SRGAP3: variants seen among roughly 807,000 people sequenced by gnomAD.
SRGAP3 encodes SLIT-ROBO Rho GTPase activating protein 3.
Under a neutral mutation model 121.1 loss-of-function variants are expected in SRGAP3, and 39 were observed. The ratio of observed to expected loss-of-function variants is 0.32; its 90% confidence interval spans 0.25 to 0.42. SRGAP3 has a LOEUF of 0.42. Among genes scored for constraint, SRGAP3 ranks in the 10% least tolerant of loss-of-function variants. The pLI, the probability that SRGAP3 is intolerant of heterozygous loss-of-function variation, is 1.00. For synonymous variants in SRGAP3, 601 were observed against 570.0 expected (o/e 1.05, Z -0.77); for missense variants, 1,213 against 1,470.6 (o/e 0.82, Z 2.86).
intron 1 of SRGAP3, among the ~76,000 whole-genome samples, chr3:9,160,729 T>C (rs568587039): frequency 3.7e-4 from 56 of 152,348 alleles, no homozygotes; most frequent in South Asian, 1.0e-3. Flanking sequence ...ATGTGAAGAA[T>C]TGATATACGT....
Position 8,985,791 on chromosome 3 carries a change from C to A in SRGAP3, c.3028G>T (p.Ala1010Ser). ...NPPGPVSSEP[A>S]SPLHTIVIRD... ...ATGACGATGGTGTGAAGGGGACTGG[C>A]GGGCTCCGAGCTGACGGGGCCTGGC... Residue 1010 changes from alanine to serine, a missense_variant, in exon 22 of 22, where the codon GCC becomes TCC. Coordinates refer to ENST00000383836, the MANE Select transcript of SRGAP3 (RefSeq NM_014850.4). This position sits in a 1 kb window ranked among gnomAD's most constrained non-coding sequence, Gnocchi z 5.1. 6.2e-7 allele frequency: 1 copy of A among 1,600,234 alleles called. No individual in the cohort carries two copies. Among genetic ancestry groups the A allele is most frequent in the Non-Finnish European group, 8.5e-7 (1 of 1,179,806 alleles).
intron 3 of SRGAP3, among the ~76,000 whole-genome samples, chr3:9,300,180 C>T (rs1384153106): frequency 7.7e-6 from 1 of 129,054 alleles, no homozygotes; most frequent in African/African-American, 3.0e-5. Context: ...TTCATCATCA[C>T]CACCATCATC....
At chr3:9,124,638 G>A in intron 2 of SRGAP3, 87 bp downstream of exon 2, 1 of 1,560,270 alleles carries the variant, frequency 6.4e-7, no homozygotes, top group Non-Finnish European at 8.8e-7. Flanking sequence ...CAATGAAGCT[G>A]GCTGGCCTCC....
intron 21 of SRGAP3, among the ~76,000 whole-genome samples, chr3:8,987,009 GC>G (rs1203254523): frequency 1.3e-5 from 2 of 152,232 alleles, no homozygotes; most frequent in Non-Finnish European, 2.9e-5. Flanking sequence ...AGGCCACAGG[GC>G]CCCGGACTTT....
chr3:9,082,740 T>C (rs2669985), intron 3 of SRGAP3, among the ~76,000 whole-genome samples: 146,999 of 152,304 alleles, frequency 0.97, 70,970 homozygotes, highest in East Asian at 1. Flanking sequence ...AGCCTTCCTC[T>C]CACCCTTGCA....
chr3:9,064,004 C>T lies in SRGAP3; in HGVS notation c.672+392G>A, dbSNP rs535655504. ...AGCAATCAGTTCCCACCTCACCCCC[C>T]GCCCCTACCCTTGGCCATCAAATTG... On this transcript the variant is annotated intron_variant, in intron 5 of 21. Transcript: ENST00000383836. Among the ~76,000 whole-genome samples, 6 of 152,314 alleles carry T rather than the reference C, an allele frequency of 3.9e-5. 1 individual carries two copies. Among genetic ancestry groups the T allele is most frequent in the African/African-American group, 1.2e-4 (5 of 41,572 alleles).
At chr3:9,310,911 T>C (rs1019682001) in intron 3 of SRGAP3, among the ~76,000 whole-genome samples, 2 of 152,168 alleles carry the variant, frequency 1.3e-5, no homozygotes, top group South Asian at 2.1e-4. Flanking sequence ...GGCTCACACC[T>C]GTAATCCCAG....
At chr3:9,313,169 A>G (rs183778310) in intron 3 of SRGAP3, among the ~76,000 whole-genome samples, 1 of 152,114 alleles carries the variant, frequency 6.6e-6, no homozygotes, top group East Asian at 1.9e-4. Flanking sequence ...CTCAAACACT[A>G]AGCCCCCGCC....
chr3:9,133,045 AT>A (rs1170624497), intron 1 of SRGAP3, among the ~76,000 whole-genome samples: 9 of 148,736 alleles, frequency 6.1e-5, no homozygotes, highest in South Asian at 4.2e-4. Flanking sequence ...TATATGATAT[AT>A]TATATAGATC....
intron 1 of SRGAP3, among the ~76,000 whole-genome samples, chr3:9,161,534 C>G (rs1485969087): frequency 6.6e-6 from 1 of 152,224 alleles, no homozygotes; most frequent in Non-Finnish European, 1.5e-5. Flanking sequence ...GGATATAAAC[C>G]CTGCTCTATC....
chr3:9,059,706 T>A, intron 6 of SRGAP3: 1 of 209,348 alleles, frequency 4.8e-6, no homozygotes, highest in Non-Finnish European at 9.8e-6. Flanking sequence ...TGTTCCGTTC[T>A]CCATTTGCTT....
chr3:9,153,296 C>T (rs1425065592), intron 1 of SRGAP3, among the ~76,000 whole-genome samples: 1 of 152,178 alleles, frequency 6.6e-6, no homozygotes, highest in Non-Finnish European at 1.5e-5. Flanking sequence ...TGAGCAAATA[C>T]TATGTGCTAG....
rs1943603014 is a variant in SRGAP3, at chr3:9,015,701, T to C, written c.1709A>G (p.Glu570Gly). 1 of 1,614,218 alleles carries C rather than the reference T, an allele frequency of 6.2e-7. No individual in the cohort carries two copies. Among genetic ancestry groups the C allele is most frequent in the Non-Finnish European group, 8.5e-7 (1 of 1,180,030 alleles). The change falls in exon 15 of 22, where the codon GAA becomes GGA. Residue 570 changes from glutamate to glycine, a missense_variant. Physicochemically the swap from Glu to Gly is moderately conservative, Grantham distance 98. Around this residue, in one of 2 missense-constraint regions of SRGAP3, gnomAD observed 793 missense variants for 1,032.9 expected, o/e 0.77. Transcript: ENST00000383836. ...GEDPLVDDQN[E>G]RDINSVAGVL... ...ACCAGCGACTGAATTGATATCTCGT[T>C]CATTTTGATCGTCCACAAGGGGGTC...
chr3:9,087,335 C>T (rs950001256), intron 3 of SRGAP3, among the ~76,000 whole-genome samples: 9 of 151,630 alleles, frequency 5.9e-5, no homozygotes, highest in Admixed American at 1.3e-4. Context: ...TGAATCAACA[C>T]CCACGAGATG....
At chr3:9,260,570 T>A (rs2648511) in intron 3 of SRGAP3, among the ~76,000 whole-genome samples, 96,610 of 152,126 alleles carry the variant, frequency 0.64, 31,647 homozygotes, top group Non-Finnish European at 0.71. Flanking sequence ...CGGCGTGGCA[T>A]CGCCACTGTA....
At chr3:9,349,055 G>T (rs1049058242) in intron 1 of SRGAP3, 1 of 977,226 alleles carries the variant, frequency 1.0e-6, no homozygotes, top group Admixed American at 1.7e-5. Context: ...GGCTATCATG[G>T]AGCTGAACCT....
At chr3:9,002,491 C>T (rs1160774054) in intron 18 of SRGAP3, among the ~76,000 whole-genome samples, 1 of 151,994 alleles carries the variant, frequency 6.6e-6, no homozygotes, top group Non-Finnish European at 1.5e-5. Context: ...GAAAAAAACC[C>T]AAACCTCAAA....
chr3:9,255,126 T>C lies in SRGAP3; in HGVS notation n.442+70884A>G, dbSNP rs561784012. The stretch of plus-strand genomic sequence containing the variant: ...TGCCACTGAATTGTACACTTTAAAA[T>C]GGTAAATTTTATGTTATGTGAATTT... On this transcript the variant is annotated intron_variant and non_coding_transcript_variant, in intron 3 of 3. Coordinates refer to the SRGAP3 transcript ENST00000490889. 2.0e-5 allele frequency among the ~76,000 whole-genome samples: 3 copies of C among 152,304 alleles called. No individual in the cohort carries two copies. In the East Asian group the frequency reaches 5.8e-4, roughly 29 times the overall value.
chr3:9,322,704 CCCCCA>C (rs1955457389), intron 3 of SRGAP3, among the ~76,000 whole-genome samples: 5 of 151,850 alleles, frequency 3.3e-5, no homozygotes, highest in Middle Eastern at 3.4e-3. Flanking sequence ...CCCCCATCAC[CCCCCA>C]CCGTCCATGG....
Sources: allele counts gnomAD v4.1 joint callset (sites outside exome capture counted in the v4.1 genomes callset), GRCh38; gene constraint gnomAD v4.1.1; regional missense constraint gnomAD v4.1.1; non-coding constraint Gnocchi (gnomAD v3.1); transcripts MANE v1.5; gene names NCBI Gene and HGNC (gene_info 2026-07-23, HGNC 2026-07-21).